BMPR1B: variants seen among roughly 807,000 people sequenced by gnomAD.
The protein encoded by BMPR1B is bone morphogenetic protein receptor type-1B.
A neutral mutation model predicts 59.1 loss-of-function variants in BMPR1B; 12 were observed. The observed-to-expected ratio is 0.20, with a 90% CI of 0.13 to 0.33. BMPR1B has a LOEUF of 0.33. Among genes scored for constraint, BMPR1B ranks in the 10% least tolerant of loss-of-function variants. The pLI is 1.00. For missense variants in BMPR1B, 550 were observed against 610.9 expected, an observed-to-expected ratio of 0.90 and a Z score of 1.05; for synonymous variants, 237 against 207.3, an observed-to-expected ratio of 1.14 and a Z score of -1.23.
chr4:94,802,166 C>T (rs575963469), intron 1 of BMPR1B, among the ~76,000 whole-genome samples: 1 of 152,256 alleles, frequency 6.6e-6, no homozygotes, highest in East Asian at 1.9e-4. Context: ...GTGCTGTAGA[C>T]ATGGCATTTA....
At chr4:95,003,785 T>A (rs967455236) in intron 3 of BMPR1B, among the ~76,000 whole-genome samples, 3 of 150,158 alleles carry the variant, frequency 2.0e-5, no homozygotes, top group African/African-American at 7.3e-5. Flanking sequence ...TAAACTTGGA[T>A]ATGACCAAAG....
chr4:95,096,790 T>C (rs1730426490), intron 3 of BMPR1B, among the ~76,000 whole-genome samples: 1 of 138,284 alleles, frequency 7.2e-6, no homozygotes, highest in African/African-American at 2.7e-5. Context: ...TATAACTATA[T>C]ATCTATATAT....
At chr4:95,011,616 G>A (rs1010141066) in intron 3 of BMPR1B, among the ~76,000 whole-genome samples, 2 of 152,214 alleles carry the variant, frequency 1.3e-5, no homozygotes, top group East Asian at 1.9e-4. Context: ...CAAAATGTCC[G>A]CCCTCTGGTT....
At chr4:95,011,164 T>C (rs1723200324) in intron 3 of BMPR1B, among the ~76,000 whole-genome samples, 1 of 152,042 alleles carries the variant, frequency 6.6e-6, no homozygotes, top group South Asian at 2.1e-4. Context: ...GGTGGTTTGT[T>C]GTACAGATTA....
At position 95,039,170 on chromosome 4, in the gene BMPR1B, C is replaced by T. The variant is rs1053047842; in HGVS notation, c.-18+43036C>T. Among the ~76,000 whole-genome samples the T allele has an allele frequency of 4.6e-5, 7 of 152,202 alleles. No homozygotes were observed. In the East Asian group the frequency reaches 5.8e-4, roughly 13 times the overall value. ...TAGAGAATTGTCTTTGTGTCAGATG[C>T]GTCACTGGTTTTATCTGATATCGTG... On this transcript the variant is annotated intron_variant, in intron 3 of 12. Coordinates refer to ENST00000515059, the MANE Select transcript of BMPR1B (RefSeq NM_001203.3).
At chr4:94,909,076 G>A (rs370086934) in intron 2 of BMPR1B, among the ~76,000 whole-genome samples, 4 of 152,086 alleles carry the variant, frequency 2.6e-5, no homozygotes, top group African/African-American at 9.6e-5. Context: ...TTGGTTTGTG[G>A]CTGCATCACT....
chr4:94,975,070 T>C (rs1290461936), intron 2 of BMPR1B, among the ~76,000 whole-genome samples: 19 of 152,156 alleles, frequency 1.2e-4, no homozygotes, highest in Non-Finnish European at 2.9e-5. Flanking sequence ...CAGTTTGTTA[T>C]TTACGGTGCC....
chr4:95,130,184 G>A lies in BMPR1B; in HGVS notation c.778+130G>A, dbSNP rs892896345. 5.7e-5 allele frequency: 62 copies of A among 1,086,144 alleles called. 1 individual carries two copies. The highest frequency in any genetic ancestry group is 3.8e-5 in the Non-Finnish European group (28 of 734,262). 67.3% of individuals were successfully genotyped at this position (1,086,144 alleles called of 1,614,324 possible). A position where few individuals can be genotyped will look rare whatever the true frequency, so the allele number is the denominator to read the frequency against. On this transcript the variant is annotated intron_variant, in intron 9 of 12. Coordinates refer to ENST00000515059, the MANE Select transcript of BMPR1B (RefSeq NM_001203.3). Reference sequence around the variant, plus strand: ...TATTGAAGTTTTCTTCTTGGCATGGGCCCAAGAACATCATAAGTTTCTAAT... The same window carrying A: ...TATTGAAGTTTTCTTCTTGGCATGGACCCAAGAACATCATAAGTTTCTAAT...
chr4:95,136,386 C>T (rs574714790), intron 10 of BMPR1B, among the ~76,000 whole-genome samples: 2 of 152,160 alleles, frequency 1.3e-5, no homozygotes, highest in South Asian at 4.2e-4. Flanking sequence ...TTTGTTGTGT[C>T]TCTGCCAGGC....
At chr4:95,020,621 G>A (rs906310832) in intron 3 of BMPR1B, among the ~76,000 whole-genome samples, 1 of 150,282 alleles carries the variant, frequency 6.7e-6, no homozygotes, top group Non-Finnish European at 1.5e-5. Context: ...AAATGTTAAT[G>A]TTAATATTGC....
intron 3 of BMPR1B, among the ~76,000 whole-genome samples, chr4:95,011,462 C>T (rs1671909288): frequency 6.6e-6 from 1 of 152,156 alleles, no homozygotes; most frequent in Non-Finnish European, 1.5e-5. Flanking sequence ...CTGTGGCTTC[C>T]ATCTTCGGTG....
At chr4:95,081,725 AG>A (rs1345169754) in intron 3 of BMPR1B, among the ~76,000 whole-genome samples, 1 of 152,166 alleles carries the variant, frequency 6.6e-6, no homozygotes, top group African/African-American at 2.4e-5. Flanking sequence ...GTCCAATTTT[AG>A]TGTATATTAA....
chr4:94,802,773 G>A (rs11945770), intron 1 of BMPR1B, among the ~76,000 whole-genome samples: 23,702 of 152,090 alleles, frequency 0.16, 2,020 homozygotes, highest in Non-Finnish European at 0.2. Flanking sequence ...GGGAAAAAAA[G>A]TCACTGTTAA....
intron 3 of BMPR1B, among the ~76,000 whole-genome samples, chr4:95,016,202 G>T (rs551464053): frequency 3.3e-5 from 5 of 152,086 alleles, no homozygotes; most frequent in African/African-American, 1.2e-4. Context: ...CCTTGAGAGC[G>T]TCTAAATATT....
chr4:94,868,344 A>AT (rs931816963), intron 1 of BMPR1B, among the ~76,000 whole-genome samples: 3 of 151,370 alleles, frequency 2.0e-5, no homozygotes, highest in African/African-American at 7.3e-5. Flanking sequence ...TAATTTTTGT[A>AT]TTTTTTTAGT....
intron 11 of BMPR1B, among the ~76,000 whole-genome samples, chr4:95,151,527 A>T (rs1363628497): frequency 2.0e-5 from 3 of 152,190 alleles, no homozygotes; most frequent in Admixed American, 2.0e-4. Flanking sequence ...ATTAACATAG[A>T]TAATACATAT....
chr4:94,791,267 G>A (rs1295483092), intron 1 of BMPR1B, among the ~76,000 whole-genome samples: 1 of 152,142 alleles, frequency 6.6e-6, no homozygotes, highest in Admixed American at 6.5e-5. Context: ...GGGATTACAG[G>A]TGTGAGCCAA....
chr4:94,877,671 C>A (rs1726783393), intron 2 of BMPR1B, among the ~76,000 whole-genome samples: 2 of 152,098 alleles, frequency 1.3e-5, no homozygotes, highest in Non-Finnish European at 1.5e-5. Context: ...GTGGGAATGG[C>A]TCAGCAGGTA....
At chr4:95,077,695 A>G (rs186473039) in intron 3 of BMPR1B, among the ~76,000 whole-genome samples, 117 of 152,312 alleles carry the variant, frequency 7.7e-4, no homozygotes, top group African/African-American at 2.7e-3. Flanking sequence ...GTGATTATAT[A>G]TCATGGAAGA....
Sources: gnomAD v4.1 joint callset for allele counts (sites outside exome capture counted in the v4.1 genomes callset) on GRCh38, gnomAD v4.1.1 for gene constraint, MANE v1.5 for transcripts, NCBI Gene and HGNC (gene_info 2026-07-23, HGNC 2026-07-21) for gene names.